PKN2: variants seen among roughly 807,000 people sequenced by gnomAD.
PKN2 encodes protein kinase N2.
Under a neutral mutation model 119.1 loss-of-function variants are expected in PKN2, and 38 were observed. The observed-to-expected ratio is 0.32, with a 90% CI of 0.25 to 0.42. The LOEUF (loss-of-function observed/expected upper bound fraction) is 0.42. Ranked by LOEUF, PKN2 falls within the 10% of genes least tolerant of loss-of-function variation. PKN2 has a pLI of 1.00. For missense variants in PKN2, 850 were observed against 1,165.1 expected (o/e 0.73, Z 3.94); for synonymous variants, 390 against 384.9 (o/e 1.01, Z -0.15).
intron 1 of PKN2, among the ~76,000 whole-genome samples, chr1:88,728,704 GGAGCC>G (rs1667999001): frequency 6.6e-6 from 1 of 152,090 alleles, no homozygotes; most frequent in Non-Finnish European, 1.5e-5. Context: ...GTAGATGGTA[GGAGCC>G]AGGTTTCTCA....
At chr1:88,688,313 C>T (rs909029573) in intron 1 of PKN2, among the ~76,000 whole-genome samples, 2 of 152,134 alleles carry the variant, frequency 1.3e-5, no homozygotes, top group Admixed American at 1.3e-4. Context: ...TCTTGAACTC[C>T]TGACCTCGTG....
intron 8 of PKN2, among the ~76,000 whole-genome samples, chr1:88,791,908 A>G (rs1364593950): frequency 6.6e-6 from 1 of 152,224 alleles, no homozygotes; most frequent in Non-Finnish European, 1.5e-5. Context: ...CTGGTCACAG[A>G]TTTTTTAATG....
Position 88,835,480 on chromosome 1 carries a change from C to T in PKN2, c.*2032C>T, listed in dbSNP as rs1045368254. On this transcript the variant is annotated 3_prime_UTR_variant, in exon 22 of 22. Transcript: ENST00000370521. Reference sequence around the variant, plus strand: ...TACAGAATTTTTTTTTAATTGAAGTCAATCACTAAAAAAATTAGAAGGCAG... The same window carrying T: ...TACAGAATTTTTTTTTAATTGAAGTTAATCACTAAAAAAATTAGAAGGCAG... The T allele has an allele frequency of 1.3e-5, 2 of 151,152 alleles. No homozygotes were observed. Among genetic ancestry groups the T allele is most frequent in the African/African-American group, 4.9e-5 (2 of 41,170 alleles). The allele number at this position is 151,152 out of a possible 1,614,324, so 9.4% of individuals were successfully genotyped here. A position where few individuals can be genotyped will look rare whatever the true frequency, so the allele number is the denominator to read the frequency against.
chr1:88,721,253 T>C (rs1225903840), intron 1 of PKN2, among the ~76,000 whole-genome samples: 1 of 152,014 alleles, frequency 6.6e-6, no homozygotes, highest in Non-Finnish European at 1.5e-5. Flanking sequence ...AGTGTAGAAG[T>C]GTTCCCTTTT....
At chr1:88,716,381 T>A (rs567586239) in intron 1 of PKN2, among the ~76,000 whole-genome samples, 1 of 152,328 alleles carries the variant, frequency 6.6e-6, no homozygotes, top group African/African-American at 2.4e-5. Flanking sequence ...CTGTCTAATG[T>A]TGACACTGGG....
At chr1:88,710,849 A>G (rs887916013) in intron 1 of PKN2, among the ~76,000 whole-genome samples, 4 of 152,206 alleles carry the variant, frequency 2.6e-5, no homozygotes, top group Admixed American at 1.3e-4. Flanking sequence ...ACATTCACGC[A>G]TATGTTCATT....
intron 7 of PKN2, 66 bp downstream of exon 7, chr1:88,784,890 G>A (rs1255923692): frequency 2.2e-6 from 2 of 914,054 alleles, no homozygotes; most frequent in East Asian, 2.8e-5. Flanking sequence ...GATTTATGAA[G>A]TGTTCAAGTT....
intron 1 of PKN2, among the ~76,000 whole-genome samples, chr1:88,712,732 CT>C (rs1432826008): frequency 1.3e-5 from 2 of 152,142 alleles, no homozygotes; most frequent in African/African-American, 2.4e-5. Context: ...TTGACTATTA[CT>C]TAAATGATAC....
intron 8 of PKN2, 37 bp from the exon 9 acceptor site, chr1:88,804,354 T>C: frequency 6.7e-7 from 1 of 1,503,602 alleles, no homozygotes; most frequent in Non-Finnish European, 9.0e-7. Context: ...AATGATGTCT[T>C]TTCTGTTTTC....
At chr1:88,804,783 T>C (rs192327501) in intron 9 of PKN2, 63 bp from the exon 10 acceptor site, 1 of 946,190 alleles carries the variant, frequency 1.1e-6, no homozygotes, top group African/African-American at 1.7e-5. Context: ...TAAAATTTTA[T>C]AAATTTAGTA....
chr1:88,695,787 A>G (rs1666519351), intron 1 of PKN2, among the ~76,000 whole-genome samples: 1 of 152,154 alleles, frequency 6.6e-6, no homozygotes, highest in African/African-American at 2.4e-5. Flanking sequence ...ACTCTTTTGC[A>G]GGGTGGGGCT....
In PKN2 at chr1:88,822,117, T is replaced by G. The variant is rs1352844027; in HGVS notation, c.2342+114T>G. On this transcript the variant is annotated intron_variant, in intron 17 of 21. Transcript: ENST00000370521. ...TTTAACCAGTTTCTTAGTTTTCTCCTTCACCTGTAAGTCAAACCCCAATGT... is the reference window on the plus strand; with the variant it reads ...TTTAACCAGTTTCTTAGTTTTCTCCGTCACCTGTAAGTCAAACCCCAATGT... 9 of 966,476 alleles carry G rather than the reference T, an allele frequency of 9.3e-6. No homozygotes were observed. In the East Asian group the frequency reaches 1.9e-4, roughly 20 times the overall value. The allele number at this position is 966,476 out of a possible 1,614,324, so 59.9% of individuals were successfully genotyped here.
intron 18 of PKN2, among the ~76,000 whole-genome samples, chr1:88,826,971 C>CA (rs1046347509): frequency 2.0e-5 from 3 of 150,344 alleles, no homozygotes; most frequent in African/African-American, 7.3e-5. Context: ...GAAATTTTGC[C>CA]AAAAAAAAAT....
At chr1:88,689,731 A>G (rs1213422882) in intron 1 of PKN2, among the ~76,000 whole-genome samples, 1 of 152,178 alleles carries the variant, frequency 6.6e-6, no homozygotes, top group African/African-American at 2.4e-5. Flanking sequence ...GAATTGCTTG[A>G]ACTCAGGAGG....
At chr1:88,803,818 C>T (rs1464167793) in intron 8 of PKN2, among the ~76,000 whole-genome samples, 1 of 152,076 alleles carries the variant, frequency 6.6e-6, no homozygotes, top group Non-Finnish European at 1.5e-5. Flanking sequence ...CCCTTTCTTC[C>T]TTTCGTACGC....
chr1:88,737,448 T>TC (rs1668397886), intron 1 of PKN2, among the ~76,000 whole-genome samples: 2 of 151,902 alleles, frequency 1.3e-5, no homozygotes, highest in African/African-American at 4.8e-5. Context: ...TCCCTCTTTT[T>TC]CCCCCAGTAG....
At chr1:88,710,033 A>G (rs528927082) in intron 1 of PKN2, among the ~76,000 whole-genome samples, 3 of 152,322 alleles carry the variant, frequency 2.0e-5, no homozygotes, top group East Asian at 1.9e-4. Flanking sequence ...AGGAATACAG[A>G]TGAAACATTT....
At chr1:88,806,097 C>G (rs1460544113) in intron 12 of PKN2, 80 bp downstream of exon 12, 3 of 1,216,982 alleles carry the variant, frequency 2.5e-6, no homozygotes, top group Admixed American at 3.9e-5. Context: ...TAAGGCGTGT[C>G]TTTCCATTTA....
chr1:88,818,998 C>G (rs566677833), intron 16 of PKN2, among the ~76,000 whole-genome samples: 10,159 of 152,060 alleles, frequency 0.067, 700 homozygotes, highest in African/African-American at 0.18. Flanking sequence ...TGAAACTGAA[C>G]CCCTTCCTTA....
Sources: allele counts gnomAD v4.1 joint callset (sites outside exome capture counted in the v4.1 genomes callset), GRCh38; gene constraint gnomAD v4.1.1; transcripts MANE v1.5; gene names NCBI Gene and HGNC (gene_info 2026-07-23, HGNC 2026-07-21).